Variants in KLC1 observed in about 807,000 individuals in gnomAD.
KLC1 encodes kinesin 2 60/70kDa.
A neutral mutation model predicts 84.2 loss-of-function variants in KLC1; 30 were observed. That is an observed-to-expected ratio of 0.36 (90% CI 0.27 to 0.48). The LOEUF (loss-of-function observed/expected upper bound fraction) is 0.48. Ranked by LOEUF, KLC1 falls within the 20% of genes least tolerant of loss-of-function variation. KLC1 has a pLI of 0.99. For missense variants in KLC1, 499 were observed against 805.4 expected, an observed-to-expected ratio of 0.62 and a Z score of 4.60; for synonymous variants, 289 against 293.3, an observed-to-expected ratio of 0.99 and a Z score of 0.15.
At chr14:103,657,823 C>A in intron 3 of KLC1, 47 bp downstream of exon 3, 2 of 1,389,482 alleles carry the variant, frequency 1.4e-6, no homozygotes, top group Non-Finnish European at 2.0e-6. Context: ...AAAATGGAGT[C>A]ACTGGGAAAG....
At chr14:103,685,784 T>G in intron 13 of KLC1, 1 of 1,245,416 alleles carries the variant, frequency 8.0e-7, no homozygotes, top group African/African-American at 1.6e-5. Context: ...TGGCCATTCC[T>G]TTCGGTGCTG....
At chr14:103,679,310 GA>G in intron 12 of KLC1, 73 bp from the exon 13 acceptor site, 1 of 1,344,686 alleles carries the variant, frequency 7.4e-7, no homozygotes, top group Non-Finnish European at 1.0e-6. Context: ...TTTTTCTAGC[GA>G]AGTATCTCAG....
chr14:103,652,673 G>T (rs772216140), intron 1 of KLC1, among the ~76,000 whole-genome samples: 10 of 152,134 alleles, frequency 6.6e-5, no homozygotes, highest in Non-Finnish European at 1.0e-4. Flanking sequence ...TGTATTTTTA[G>T]TAGAGACGGG....
intron 1 of KLC1, among the ~76,000 whole-genome samples, chr14:103,635,639 G>A (rs1412637892): frequency 6.6e-6 from 1 of 151,914 alleles, no homozygotes; most frequent in Non-Finnish European, 1.5e-5. Context: ...CTGTAGTCCC[G>A]GGTATTTGGG....
At chr14:103,637,301 G>T (rs1261683541) in intron 1 of KLC1, among the ~76,000 whole-genome samples, 1 of 151,954 alleles carries the variant, frequency 6.6e-6, no homozygotes, top group Non-Finnish European at 1.5e-5. Flanking sequence ...GGAGGCCGAG[G>T]CGGGTGGATC....
chr14:103,649,584 A>G (rs936523848), intron 1 of KLC1, among the ~76,000 whole-genome samples: 2 of 145,762 alleles, frequency 1.4e-5, no homozygotes, highest in Non-Finnish European at 3.1e-5. Context: ...AAAAAAAAAA[A>G]GAATTTGTTA....
intron 7 of KLC1, 79 bp from the exon 8 acceptor site, chr14:103,672,935 C>A: frequency 3.1e-6 from 4 of 1,297,570 alleles, no homozygotes; most frequent in East Asian, 2.4e-5. Context: ...TGAGGAAGAT[C>A]CTGATGTGAC....
intron 11 of KLC1, among the ~76,000 whole-genome samples, chr14:103,676,620 A>G (rs374936858): frequency 1.2e-4 from 18 of 152,222 alleles, no homozygotes; most frequent in African/African-American, 4.3e-4. Context: ...CTATTTTCAG[A>G]AAACTCTCTG....
intron 14 of KLC1, chr14:103,688,232 C>T (rs1038163388): frequency 1.3e-5 from 2 of 152,278 alleles, no homozygotes; most frequent in African/African-American, 2.4e-5. Context: ...TCACCGCAAC[C>T]TCCGCCTCCT....
At chr14:103,655,564 TGGGATTACAGGCGCG>T (rs2078770055) in intron 2 of KLC1, among the ~76,000 whole-genome samples, 1 of 151,896 alleles carries the variant, frequency 6.6e-6, no homozygotes, top group Admixed American at 6.6e-5. Flanking sequence ...AGCAAAGTGT[TGGGATTACAGGCGCG>T]AGCCACCATG....
intron 1 of KLC1, among the ~76,000 whole-genome samples, chr14:103,633,369 G>T (rs1275035465): frequency 6.6e-6 from 1 of 152,102 alleles, no homozygotes; most frequent in Admixed American, 6.6e-5. Flanking sequence ...AGGGTTGGAA[G>T]ATTCTGAGGA....
intron 7 of KLC1, among the ~76,000 whole-genome samples, chr14:103,671,988 A>G (rs2080424448): frequency 6.6e-6 from 1 of 152,164 alleles, no homozygotes; most frequent in Non-Finnish European, 1.5e-5. Flanking sequence ...CCCTGCTTAG[A>G]GTTGGTGATT....
chr14:103,644,083 C>T (rs796831759), intron 1 of KLC1, among the ~76,000 whole-genome samples: 14 of 151,578 alleles, frequency 9.2e-5, no homozygotes, highest in East Asian at 5.9e-4. Flanking sequence ...GGTGTGGTTG[C>T]GGGCGCCTGT....
chr14:103,653,122 C>G (rs1233271108), intron 1 of KLC1, among the ~76,000 whole-genome samples: 1 of 152,100 alleles, frequency 6.6e-6, no homozygotes, highest in African/African-American at 2.4e-5. Flanking sequence ...CCTACAAGAT[C>G]AAGTCCCTGC....
intron 12 of KLC1, 84 bp downstream of exon 12, chr14:103,677,607 G>A: frequency 6.2e-6 from 5 of 806,804 alleles, no homozygotes; most frequent in Non-Finnish European, 1.1e-5. Context: ...TTGAAAGCTT[G>A]ATTTAGAAAT....
chr14:103,658,514 A>G (rs1157879909), intron 3 of KLC1, among the ~76,000 whole-genome samples: 3 of 139,300 alleles, frequency 2.2e-5, no homozygotes, highest in Non-Finnish European at 4.5e-5. Context: ...GCCTCAAGTG[A>G]TCTGCCCACC....
intron 1 of KLC1, among the ~76,000 whole-genome samples, chr14:103,631,650 T>G (rs2076697406): frequency 6.6e-6 from 1 of 152,128 alleles, no homozygotes; most frequent in South Asian, 2.1e-4. Flanking sequence ...CAGGCTAGAG[T>G]GCAGTGGTGT....
intron 3 of KLC1, among the ~76,000 whole-genome samples, chr14:103,658,990 T>G (rs1341023090): frequency 6.6e-6 from 1 of 150,412 alleles, no homozygotes; most frequent in Non-Finnish European, 1.5e-5. Context: ...TTTTACTTTT[T>G]TTTTGAGACG....
intron 1 of KLC1, among the ~76,000 whole-genome samples, chr14:103,652,458 A>G (rs1190598192): frequency 6.6e-6 from 1 of 151,758 alleles, no homozygotes; most frequent in Non-Finnish European, 1.5e-5. Flanking sequence ...ATAAATACTA[A>G]CAGTTAACAT....
Sources: gnomAD v4.1 joint callset for allele counts (sites outside exome capture counted in the v4.1 genomes callset) on GRCh38, gnomAD v4.1.1 for gene constraint, MANE v1.5 for transcripts, NCBI Gene and HGNC (gene_info 2026-07-23, HGNC 2026-07-21) for gene names.